Variants in PTPRF observed in about 807,000 individuals in gnomAD.
PTPRF encodes the protein receptor-type tyrosine-protein phosphatase F.
PTPRF carries 59 observed loss-of-function variants against 201.8 expected under a neutral mutation model. That is an observed-to-expected ratio of 0.29 (90% CI 0.24 to 0.36). PTPRF has a LOEUF of 0.36. Among genes scored for constraint, PTPRF ranks in the 10% least tolerant of loss-of-function variants. The pLI is 1.00. For synonymous variants in PTPRF, 1,088 were observed against 1,089.7 expected (o/e 1.00, Z 0.03); for missense variants, 2,132 against 2,690.5 (o/e 0.79, Z 4.59).
Position 43,597,764 on chromosome 1 carries a change from C to T in PTPRF, c.1830C>T (p.Pro610=), listed in dbSNP as rs770710809. 6.3e-7 allele frequency: 1 copy of T among 1,597,506 alleles called. No homozygotes were observed. Among genetic ancestry groups the T allele is most frequent in the South Asian group, 1.1e-5 (1 of 88,098 alleles). Residue 610 remains proline, a synonymous_variant, in exon 12 of 34, where the codon CCC becomes CCT. Transcript: ENST00000359947. ...RTAQSTPSAP[P]QKVMCVSMGS... is the part of the protein sequence containing the mutation. ...CTTCCCCAGCCCCCTCCGCCCCTCC[C>T]CAGAAGGTGATGTGTGTGAGCATGG... is the stretch of plus-strand genomic sequence containing the variant.
At chr1:43,613,274 A>T (rs574319344) in intron 22 of PTPRF, 5 of 343,424 alleles carry the variant, frequency 1.5e-5, no homozygotes, top group African/African-American at 1.1e-4. Context: ...GATGGAGCCC[A>T]GCTCCTGTCA....
At position 43,611,414 on chromosome 1, in the gene PTPRF, G is replaced by A. The variant is rs990036750; in HGVS notation, c.3973+1916G>A. Among the ~76,000 whole-genome samples the A allele has an allele frequency of 7.9e-5, 12 of 152,272 alleles. No individual in the cohort carries two copies. In the East Asian group the frequency reaches 1.5e-3, roughly 20 times the overall value. ...AGAAGCTTGGGCAGATTGCATGTGC[G>A]TCAAATTATGAGCACCTGAGGGTTT... On this transcript the variant is annotated intron_variant, in intron 22 of 33. Transcript: ENST00000359947.
At position 43,553,012 on chromosome 1, in the gene PTPRF, C is replaced by T. The variant is rs1014739114; in HGVS notation, c.92-480C>T. On this transcript the variant is annotated intron_variant, in intron 3 of 33. Transcript: ENST00000359947. The surrounding 1 kb of genome is among the most constrained non-coding windows in gnomAD (Gnocchi z 4.1). ...AGAGGGAGGAGTCTCGGTTCCTGGCCGGAGCCCCGGGGTGGATGGTGGTGC... is the reference window on the plus strand; with the variant it reads ...AGAGGGAGGAGTCTCGGTTCCTGGCTGGAGCCCCGGGGTGGATGGTGGTGC... 1.3e-5 allele frequency among the ~76,000 whole-genome samples: 2 copies of T among 152,048 alleles called. No homozygotes were observed. The highest frequency in any genetic ancestry group is 4.8e-5 in the African/African-American group (2 of 41,392).
Position 43,542,292 on chromosome 1 carries a change from C to T in PTPRF, c.-45-2739C>T, listed in dbSNP as rs1313962546. Among the ~76,000 whole-genome samples the T allele has an allele frequency of 1.3e-5, 2 of 152,144 alleles. No homozygotes were observed. Among genetic ancestry groups the T allele is most frequent in the East Asian group, 1.9e-4 (1 of 5,202 alleles). The stretch of plus-strand genomic sequence containing the variant: ...AGCTGGTGAGGGAGAGGCCCTGGCT[C>T]GTACAGCTGTGTGGCTGCCAGAGTA... On this transcript the variant is annotated intron_variant, in intron 2 of 33. Transcript: ENST00000359947. This position sits in a 1 kb window ranked among gnomAD's most constrained non-coding sequence, Gnocchi z 5.2.
chr1:43,551,623 C>T (rs1224299611), intron 3 of PTPRF, among the ~76,000 whole-genome samples: 1 of 152,186 alleles, frequency 6.6e-6, no homozygotes, highest in Non-Finnish European at 1.5e-5. Flanking sequence ...CAAAGCCTGG[C>T]TCCATGCCTG....
rs928136024 is a variant in PTPRF, at chr1:43,537,637, G to A, written c.-125-561G>A. Among the ~76,000 whole-genome samples, 2 of 152,264 alleles carry A rather than the reference G, an allele frequency of 1.3e-5. No individual in the cohort carries two copies. The highest frequency in any genetic ancestry group is 4.8e-5 in the African/African-American group (2 of 41,468). On this transcript the variant is annotated intron_variant, in intron 1 of 33. Coordinates refer to ENST00000359947, the MANE Select transcript of PTPRF (RefSeq NM_002840.5). The surrounding 1 kb of genome is among the most constrained non-coding windows in gnomAD (Gnocchi z 4.8). ...CTCCAAGCCAAGGTCCAGGCAGGTA[G>A]TCTGGGACATTGTGGAAGGCTTCCC...
intron 21 of PTPRF, 112 bp downstream of exon 21, chr1:43,607,080 C>T (rs1435472064): frequency 7.1e-7 from 1 of 1,412,412 alleles, no homozygotes; most frequent in Admixed American, 1.9e-5. Context: ...GGACCCTGAG[C>T]CTCAGGCTCA....
chr1:43,617,462 G>A lies in PTPRF; in HGVS notation c.4089G>A (p.Gln1363=), dbSNP rs766907781. 6.2e-7 allele frequency: 1 copy of A among 1,614,172 alleles called. No individual in the cohort carries two copies. Among genetic ancestry groups the A allele is most frequent in the Non-Finnish European group, 8.5e-7 (1 of 1,180,018 alleles). Reference sequence around the variant, plus strand: ...CTCTGCAGTCCATCGACCCTGGACAGCAGTTCACGTGGGAGAATTCAAACC... The same window carrying A: ...CTCTGCAGTCCATCGACCCTGGACAACAGTTCACGTGGGAGAATTCAAACC... The part of the protein sequence containing the change: ...SQEYESIDPG[Q]QFTWENSNLE... Residue 1363 remains glutamine (Q), a synonymous_variant, in exon 24 of 34, where the codon CAG becomes CAA. Transcript: ENST00000359947.
chr1:43,545,849 A>G (rs562254070), intron 3 of PTPRF, among the ~76,000 whole-genome samples: 23 of 151,962 alleles, frequency 1.5e-4, no homozygotes, highest in Admixed American at 1.2e-3. Context: ...TCCAGATCCA[A>G]CTCCGAACTT....
At chr1:43,613,116 C>G (rs117904403) in intron 22 of PTPRF, 17 of 338,546 alleles carry the variant, frequency 5.0e-5, no homozygotes, top group African/African-American at 2.8e-4. Context: ...TCTCACACCC[C>G]CCTCCTGGTC....
At position 43,591,033 on chromosome 1, in the gene PTPRF, C is replaced by T. The variant is rs759332750; in HGVS notation, c.1011C>T (p.Leu337=). The stretch of plus-strand genomic sequence containing the variant: ...AGACAACTGCCACCAGTGTCACCCT[C>T]ACCTGGGACTCTGGGAACTCGGAGC... ...VTETTATSVT[L]TWDSGNSEPV... The change falls in exon 9 of 34, where the codon CTC becomes CTT. Residue 337 remains leucine, a synonymous_variant. Transcript: ENST00000359947. 31 of 1,613,946 alleles carry T rather than the reference C, an allele frequency of 1.9e-5. No individual in the cohort carries two copies. The highest frequency in any genetic ancestry group is 5.0e-5 in the Admixed American group (3 of 60,010).
At chr1:43,608,158 C>T (rs1248437253) in intron 21 of PTPRF, among the ~76,000 whole-genome samples, 1 of 152,212 alleles carries the variant, frequency 6.6e-6, no homozygotes, top group Non-Finnish European at 1.5e-5. Flanking sequence ...TTCCCACTTC[C>T]ACCTGCATTC....
At position 43,620,563 on chromosome 1, in the gene PTPRF, A is replaced by T; in HGVS notation, c.5348A>T (p.Lys1783Met). The change falls in exon 31 of 34, where the codon AAG (lysine) becomes ATG (methionine). Residue 1783 changes from lysine (K) to methionine (M), a missense_variant. Lys to Met is a moderately conservative substitution (Grantham distance 95). Around this residue, in one of 6 missense-constraint regions of PTPRF, gnomAD observed 519 missense variants for 659.5 expected, o/e 0.79. Coordinates refer to ENST00000359947, the MANE Select transcript of PTPRF (RefSeq NM_002840.5). ...NMPQYILREF[K>M]VTDARDGQSR... ...CCCCAGTATATCCTGCGTGAGTTCAAGGTCACGGATGCCCGGGTGAGTGAG... is the reference window on the plus strand; with the variant it reads ...CCCCAGTATATCCTGCGTGAGTTCATGGTCACGGATGCCCGGGTGAGTGAG... The T allele has an allele frequency of 6.2e-7, 1 of 1,614,026 alleles. No homozygotes were observed. The highest frequency in any genetic ancestry group is 8.5e-7 in the Non-Finnish European group (1 of 1,179,932).
intron 6 of PTPRF, among the ~76,000 whole-genome samples, chr1:43,570,397 G>A (rs941672787): frequency 6.6e-6 from 1 of 152,246 alleles, no homozygotes; most frequent in Non-Finnish European, 1.5e-5. Context: ...TTCAGTTTTT[G>A]TGGGAACAGA....
intron 16 of PTPRF, 76 bp downstream of exon 16, chr1:43,604,265 C>A: frequency 6.9e-7 from 1 of 1,452,602 alleles, no homozygotes; most frequent in Non-Finnish European, 9.3e-7. Context: ...GAGCCACTGA[C>A]CTCTGGCGAC....
In PTPRF at chr1:43,606,330, G is replaced by A. The variant is rs755593552; in HGVS notation, c.3574G>A (p.Asp1192Asn). 11 of 1,614,168 alleles carry A rather than the reference G, an allele frequency of 6.8e-6. No individual in the cohort carries two copies. The highest frequency in any genetic ancestry group is 8.5e-6 in the Non-Finnish European group (10 of 1,180,028). The change falls in exon 20 of 34, where the codon GAT (aspartate) becomes AAT (asparagine). Residue 1192 changes from aspartate (D) to asparagine (N), a missense_variant. Physicochemically the swap from Asp to Asn is conservative, Grantham distance 23 (BLOSUM62 1). Coordinates refer to ENST00000359947, the MANE Select transcript of PTPRF (RefSeq NM_002840.5). ...RLKPYVAAQL[D>N]VLPETFTLGD... is the part of the protein sequence containing the mutation. The stretch of plus-strand genomic sequence containing the variant: ...GAAGCCATATGTGGCTGCTCAACTG[G>A]ATGTGCTCCCGGAGACCTTTACCTT...
chr1:43,533,706 G>A (rs1643837641), intron 1 of PTPRF, among the ~76,000 whole-genome samples: 2 of 152,214 alleles, frequency 1.3e-5, no homozygotes, highest in South Asian at 2.1e-4. Flanking sequence ...AGCAGTGGCA[G>A]TCACTTCCCT....
Position 43,619,300 on chromosome 1 carries a change from C to T in PTPRF, c.4659C>T (p.Gly1553=), listed in dbSNP as rs1395676442. ...PMVVHCSAGV[G]RTGCFIVIDA... is the part of the protein sequence containing the mutation. Reference sequence around the variant, plus strand: ...CCGTGTCCTGCAGCGCGGGCGTGGGCCGCACCGGCTGCTTCATCGTGATTG... The same window carrying T: ...CCGTGTCCTGCAGCGCGGGCGTGGGTCGCACCGGCTGCTTCATCGTGATTG... The change falls in exon 28 of 34, where the codon GGC becomes GGT. Residue 1553 remains glycine (G), a synonymous_variant. Coordinates refer to ENST00000359947, the MANE Select transcript of PTPRF (RefSeq NM_002840.5). 2 of 1,613,446 alleles carry T rather than the reference C, an allele frequency of 1.2e-6. No homozygotes were observed. The highest frequency in any genetic ancestry group is 2.2e-5 in the East Asian group (1 of 44,876).
At chr1:43,525,587 G>A (rs2153942544), upstream of PTPRF, among the ~76,000 whole-genome samples, 1 of 152,134 alleles carries the variant, frequency 6.6e-6, no homozygotes, top group Non-Finnish European at 1.5e-5. Flanking sequence ...CAGATTACTT[G>A]AGGTCAGGAG....
Sources: allele counts gnomAD v4.1 joint callset (sites outside exome capture counted in the v4.1 genomes callset), GRCh38; gene constraint gnomAD v4.1.1; regional missense constraint gnomAD v4.1.1; non-coding constraint Gnocchi (gnomAD v3.1); transcripts MANE v1.5; gene names NCBI Gene and HGNC (gene_info 2026-07-23, HGNC 2026-07-21).